Variants in PDE1C observed in about 807,000 individuals in gnomAD.
PDE1C encodes phosphodiesterase 1C, also known as dual specificity calcium/calmodulin-dependent 3',5'-cyclic nucleotide phosphodiesterase 1C.
PDE1C carries 62 observed loss-of-function variants against 93.1 expected under a neutral mutation model. The ratio of observed to expected loss-of-function variants is 0.67; its 90% CI spans 0.54 to 0.82. PDE1C has a LOEUF of 0.82. Among genes scored for constraint, PDE1C ranks in the 40% least tolerant of loss-of-function variants. The pLI is 0.00. For missense variants in PDE1C, 742 were observed against 884.6 expected, an observed-to-expected ratio of 0.84 and a Z score of 2.04; for synonymous variants, 325 against 310.1, an observed-to-expected ratio of 1.05 and a Z score of -0.50.
the PDE1C span, among the ~76,000 whole-genome samples, chr7:31,618,938 G>A: frequency 2.8e-4 from 43 of 152,286 alleles, no homozygotes; most frequent in African/African-American, 4.8e-4. Context: ...CATATGTGTC[G>A]AGAGAGTAGG....
intron 3 of PDE1C, among the ~76,000 whole-genome samples, chr7:32,105,490 C>T (rs766316291): frequency 2.6e-5 from 4 of 152,106 alleles, no homozygotes; most frequent in Non-Finnish European, 4.4e-5. Flanking sequence ...ATTTCCTTAT[C>T]CCAATAAGAC....
the PDE1C span, among the ~76,000 whole-genome samples, chr7:31,638,351 C>G: frequency 6.6e-6 from 1 of 152,120 alleles, no homozygotes; most frequent in Admixed American, 6.5e-5. Flanking sequence ...CACTAAACAG[C>G]TGTTCTATTA....
At chr7:32,143,458 C>T (rs557452072) in intron 3 of PDE1C, among the ~76,000 whole-genome samples, 3 of 152,122 alleles carry the variant, frequency 2.0e-5, no homozygotes, top group South Asian at 2.1e-4. Context: ...CGCAGTGTCA[C>T]TGACCGTGAC....
chr7:31,694,788 C>T, the PDE1C span, among the ~76,000 whole-genome samples: 20 of 152,058 alleles, frequency 1.3e-4, no homozygotes, highest in African/African-American at 1.9e-4. Context: ...ATTCATTACC[C>T]GTAACGACTT....
the PDE1C span, among the ~76,000 whole-genome samples, chr7:31,727,511 C>T: frequency 6.6e-6 from 1 of 152,126 alleles, no homozygotes; most frequent in African/African-American, 2.4e-5. Flanking sequence ...GTGATTTCCT[C>T]AGGTAAAATT....
At chr7:31,790,022 C>T in intron 16 of PDE1C, 5 of 1,331,116 alleles carry the variant, frequency 3.8e-6, no homozygotes, top group Non-Finnish European at 4.8e-6. Flanking sequence ...GGGAATATCC[C>T]CCAGAGTTCT....
chr7:31,864,053 A>T (rs996782421), intron 7 of PDE1C, among the ~76,000 whole-genome samples: 78 of 152,320 alleles, frequency 5.1e-4, no homozygotes, highest in African/African-American at 1.8e-3. Flanking sequence ...CTTAATGCCA[A>T]TTCTAAAGGA....
intron 2 of PDE1C, among the ~76,000 whole-genome samples, chr7:32,030,154 G>A (rs913607199): frequency 6.6e-6 from 1 of 150,632 alleles, no homozygotes; most frequent in African/African-American, 2.4e-5. Context: ...TCTCTCAGGA[G>A]GAACCTGGGA....
chr7:31,727,694 C>A, the PDE1C span, among the ~76,000 whole-genome samples: 14 of 152,228 alleles, frequency 9.2e-5, no homozygotes, highest in South Asian at 2.9e-3. Flanking sequence ...CTAAACACAG[C>A]TTTCTTTAAT....
intron 3 of PDE1C, among the ~76,000 whole-genome samples, chr7:32,138,400 A>G (rs1188960500): frequency 6.6e-6 from 1 of 152,210 alleles, no homozygotes; most frequent in Non-Finnish European, 1.5e-5. Context: ...GTACATAATT[A>G]TATCAACAGA....
intron 1 of PDE1C, among the ~76,000 whole-genome samples, chr7:32,344,911 A>T (rs1337538167): frequency 6.6e-6 from 1 of 152,246 alleles, no homozygotes; most frequent in South Asian, 2.1e-4. Context: ...AATAATATAA[A>T]ATTTTCCCAA....
chr7:31,997,816 C>T (rs537595655), intron 2 of PDE1C, among the ~76,000 whole-genome samples: 5 of 152,152 alleles, frequency 3.3e-5, no homozygotes, highest in South Asian at 2.1e-4. Context: ...TCAAAGAAAA[C>T]GTACATGTGA....
chr7:31,847,783 G>T, intron 9 of PDE1C, 185 bp downstream of exon 9: 2 of 591,270 alleles, frequency 3.4e-6, no homozygotes, highest in Non-Finnish European at 5.9e-6. Flanking sequence ...TCTGTATAAA[G>T]AAAAAAGAGA....
chr7:31,889,305 C>T (rs2128895832), intron 2 of PDE1C, among the ~76,000 whole-genome samples: 1 of 152,330 alleles, frequency 6.6e-6, no homozygotes, highest in East Asian at 1.9e-4. Context: ...TTCCTTTCAA[C>T]ATCCAGCTGG....
intron 9 of PDE1C, among the ~76,000 whole-genome samples, chr7:31,841,036 ATCTC>A (rs916349490): frequency 6.6e-6 from 1 of 152,076 alleles, no homozygotes; most frequent in African/African-American, 2.4e-5. Context: ...ATGACAGTAT[ATCTC>A]TCTATGTATT....
rs149905365 is a variant in PDE1C at position 31,952,753 on chromosome 7, G to A, written c.129-71893C>T. Among the ~76,000 whole-genome samples, 334 of 152,220 alleles carry A rather than the reference G, an allele frequency of 2.2e-3. 2 individuals are homozygous for A. The highest frequency in any genetic ancestry group is 7.7e-3 in the African/African-American group (319 of 41,532). On this transcript the variant is annotated intron_variant, in intron 2 of 17. Transcript: ENST00000396191. ...GCCACAAAAATAGAAATGAGATGCC[G>A]CATGTGAATGGAGCTTGAGGAAAAT...
chr7:31,989,017 AAG>A (rs1247058419), intron 2 of PDE1C, among the ~76,000 whole-genome samples: 25 of 147,464 alleles, frequency 1.7e-4, no homozygotes, highest in Non-Finnish European at 1.2e-4. Flanking sequence ...AAAAAAAAAA[AAG>A]AGAGAGAGAG....
chr7:32,184,421 C>A (rs1448222512), intron 2 of PDE1C, among the ~76,000 whole-genome samples: 1 of 152,082 alleles, frequency 6.6e-6, no homozygotes, highest in Non-Finnish European at 1.5e-5. Context: ...CAATGATAGA[C>A]TGGATTAAGA....
intron 15 of PDE1C, among the ~76,000 whole-genome samples, chr7:31,814,055 CACACACGCACGCGTGCATATATATGT>C (rs1222718657): frequency 1.3e-5 from 2 of 149,844 alleles, no homozygotes; most frequent in African/African-American, 2.5e-5. Flanking sequence ...TATATATGTA[CACACACGCACGCGTGCATATATATGT>C]ACACACACAC....
Sources: gnomAD v4.1 joint callset for allele counts (sites outside exome capture counted in the v4.1 genomes callset) on GRCh38, gnomAD v4.1.1 for gene constraint, MANE v1.5 for transcripts, NCBI Gene and HGNC (gene_info 2026-07-23, HGNC 2026-07-21) for gene names.